The following ODAM variants were observed in gnomAD, a reference collection of about 807,000 sequenced individuals.
ODAM encodes the protein odontogenic, ameloblast associated, also known as odontogenic ameloblast-associated protein.
A neutral mutation model predicts 48.5 loss-of-function variants in ODAM; 55 were observed. The observed-to-expected ratio is 1.13, with a 90% CI of 0.91 to 1.42. The LOEUF (loss-of-function observed/expected upper bound fraction) is 1.42. Among genes scored for constraint, ODAM ranks in the 40% most tolerant of loss-of-function variants. The probability of loss-of-function intolerance (pLI) is 0.00; values close to 1 mark genes in which losing one functional copy is unlikely to be tolerated. For missense variants in ODAM, 353 were observed against 323.6 expected, an observed-to-expected ratio of 1.09 and a Z score of -0.70; for synonymous variants, 127 against 107.8, an observed-to-expected ratio of 1.18 and a Z score of -1.10.
intron 11 of ODAM, among the ~76,000 whole-genome samples, chr4:70,203,852 C>A (rs1367805967): frequency 2.6e-5 from 4 of 151,894 alleles, no homozygotes; most frequent in Non-Finnish European, 5.9e-5. Flanking sequence ...CTGTGAGCCT[C>A]TTTTGATCTC....
intron 11 of ODAM, 98 bp downstream of exon 11, chr4:70,203,312 C>A: frequency 1.5e-6 from 1 of 657,684 alleles, no homozygotes; most frequent in Non-Finnish European, 2.7e-6. Flanking sequence ...GAGTTCTTAC[C>A]AAAGTAGTTA....
intron 4 of ODAM, 47 bp from the exon 5 acceptor site, chr4:70,197,876 CT>C: frequency 6.7e-7 from 1 of 1,498,304 alleles, no homozygotes; most frequent in Non-Finnish European, 9.2e-7. Context: ...TTTTTAAATT[CT>C]TTTTGGCATG....
chr4:70,200,905 G>A (rs1354196320), intron 7 of ODAM, among the ~76,000 whole-genome samples: 2 of 151,866 alleles, frequency 1.3e-5, no homozygotes, highest in Non-Finnish European at 2.9e-5. Flanking sequence ...AAATTTACTA[G>A]CATCCACCTT....
chr4:70,202,728 A>C, intron 9 of ODAM, 28 bp from the exon 10 acceptor site: 1 of 1,579,604 alleles, frequency 6.3e-7, no homozygotes, highest in Non-Finnish European at 8.6e-7. Flanking sequence ...ACTTACGACA[A>C]CTTTGTTTTC....
In ODAM at chr4:70,198,157, C is replaced by T. The variant is rs139946153; in HGVS notation, c.375C>T (p.His125=). 38 of 1,611,670 alleles carry T rather than the reference C, an allele frequency of 2.4e-5. No homozygotes were observed. Among genetic ancestry groups the T allele is most frequent in the South Asian group, 6.6e-5 (6 of 90,918 alleles). Residue 125 remains histidine (H), a splice_region_variant and synonymous_variant, in exon 5 of 12, where the codon CAC becomes CAT. Coordinates refer to ENST00000683306, the MANE Select transcript of ODAM (RefSeq NM_017855.4). Reference sequence around the variant, plus strand: ...CTCAGACACAACCAGGCCCCAGTCACGTAAGTCAGGCCTCTTTCATTTTGT... The same window carrying T: ...CTCAGACACAACCAGGCCCCAGTCATGTAAGTCAGGCCTCTTTCATTTTGT... ...TPPQTQPGPS[H]VMPYVFSFKM... is the part of the protein sequence containing the mutation.
rs763560493 is a variant in ODAM, at chr4:70,203,201, A to G, written c.*16A>G. 4.4e-6 allele frequency: 7 copies of G among 1,590,066 alleles called. No individual in the cohort carries two copies. In the South Asian group the frequency reaches 7.8e-5, roughly 18 times the overall value. ...GGAACCATAAGAAGTTGCCCTGATC[A>G]TTCAGACATTTTGGTAGGTATTTGC... On this transcript the variant is annotated 3_prime_UTR_variant, in exon 11 of 12. Coordinates refer to ENST00000683306, the MANE Select transcript of ODAM (RefSeq NM_017855.4).
At position 70,195,765 on chromosome 4, in the gene ODAM, A is replaced by G. The variant is rs1461447512; in HGVS notation, c.-44A>G. On this transcript the variant is annotated 5_prime_UTR_variant, in exon 1 of 12. Transcript: ENST00000683306. Reference sequence around the variant, plus strand: ...AAAGAACACAGATCTCGCATGGTTCAGATTTTTCTTTTTAGGTCCAGGAGT... The same window carrying G: ...AAAGAACACAGATCTCGCATGGTTCGGATTTTTCTTTTTAGGTCCAGGAGT... 1 of 984,772 alleles carries G rather than the reference A, an allele frequency of 1.0e-6. No homozygotes were observed. The highest frequency in any genetic ancestry group is 1.7e-5 in the African/African-American group (1 of 57,326). The allele number at this position is 984,772 out of a possible 1,614,324, so 61.0% of individuals were successfully genotyped here. A position where few individuals can be genotyped will look rare whatever the true frequency, so the allele number is the denominator to read the frequency against.
intron 6 of ODAM, among the ~76,000 whole-genome samples, chr4:70,199,519 A>G (rs1729450775): frequency 6.6e-6 from 1 of 152,016 alleles, no homozygotes; most frequent in Non-Finnish European, 1.5e-5. Context: ...TCCTCATCCC[A>G]TTGAAAGTAA....
intron 7 of ODAM, 96 bp downstream of exon 7, chr4:70,200,697 A>C: frequency 1.4e-6 from 1 of 694,996 alleles, no homozygotes; most frequent in Non-Finnish European, 2.4e-6. Context: ...GAGTATATTT[A>C]ATGCAAACAC....
chr4:70,198,251 T>G, intron 5 of ODAM, 94 bp downstream of exon 5: 1 of 1,015,650 alleles, frequency 9.8e-7, no homozygotes, highest in Non-Finnish European at 1.4e-6. Flanking sequence ...AGGCAGGGGT[T>G]TTTGAACAAT....
intron 6 of ODAM, 34 bp from the exon 7 acceptor site, chr4:70,200,463 G>A (rs1729470642): frequency 8.5e-7 from 1 of 1,176,020 alleles, no homozygotes; most frequent in Admixed American, 2.0e-5. Flanking sequence ...CTGATTTAAT[G>A]GAATCTCTTG....
Position 70,202,808 on chromosome 4 carries a change from A to G in ODAM, c.701A>G (p.His234Arg), listed in dbSNP as rs1360070732. The change falls in exon 10 of 12, where the codon CAT becomes CGT. Residue 234 changes from histidine (H) to arginine (R), a missense_variant. Physicochemically the swap from His to Arg is conservative, Grantham distance 29 (BLOSUM62 0). Coordinates refer to ENST00000683306, the MANE Select transcript of ODAM (RefSeq NM_017855.4). The part of the protein sequence containing the change: ...YLQKEAINFR[H>R]DSAGVFMPST... ...CAAAAAGAAGCGATCAACTTTAGAC[A>G]TGACAGTGCAGGAGTTTTCATGCCC... 6.2e-7 allele frequency: 1 copy of G among 1,611,980 alleles called. No homozygotes were observed. Among genetic ancestry groups the G allele is most frequent in the Admixed American group, 1.7e-5 (1 of 59,728 alleles).
Position 70,198,036 on chromosome 4 carries a change from G to C in ODAM, c.254G>C (p.Gly85Ala), listed in dbSNP as rs376525673. 3 of 1,613,278 alleles carry C rather than the reference G, an allele frequency of 1.9e-6. No homozygotes were observed. Among genetic ancestry groups the C allele is most frequent in the Non-Finnish European group, 2.5e-6 (3 of 1,179,548 alleles). Residue 85 changes from glycine (G) to alanine (A), a missense_variant, in exon 5 of 12, where the codon GGA becomes GCA. Coordinates refer to ENST00000683306, the MANE Select transcript of ODAM (RefSeq NM_017855.4). ...TTATCAGCTCTAGACCAGTTTGCTG[G>C]ACTGCTCCCAAATCAGATACCCTTA... The part of the protein sequence containing the change: ...FSLSALDQFA[G>A]LLPNQIPLTG...
Position 70,202,303 on chromosome 4 carries a change from G to C in ODAM, c.622G>C (p.Gly208Arg), listed in dbSNP as rs568860382. 5.6e-6 allele frequency: 9 copies of C among 1,611,806 alleles called. No homozygotes were observed. The South Asian group carries it at 9.9e-5, about 18-fold the overall frequency. Residue 208 changes from glycine to arginine, a missense_variant, in exon 9 of 12, where the codon GGC becomes CGC. Transcript: ENST00000683306. Reference protein sequence around the residue: ...QQQLAFDPQLGTAPEIAVMST... With the variant: ...QQQLAFDPQLRTAPEIAVMST... Reference sequence around the variant, plus strand: ...GCAACTAGCTTTTGATCCCCAACTAGGCACAGCTCCTGAAATTGCTGTGAT... The same window carrying C: ...GCAACTAGCTTTTGATCCCCAACTACGCACAGCTCCTGAAATTGCTGTGAT...
rs532851425 is a variant in ODAM, at chr4:70,201,544, C to T, written c.576+43C>T. On this transcript the variant is annotated intron_variant, in intron 8 of 11. Coordinates refer to ENST00000683306, the MANE Select transcript of ODAM (RefSeq NM_017855.4). ...TTTCATTAAAAATATTTTGAAACTA[C>T]TTCCTTCATTGTCTACTAAATCTAT... The T allele has an allele frequency of 5.7e-6, 6 of 1,045,266 alleles. No homozygotes were observed. The South Asian group carries it at 8.0e-5, about 14-fold the overall frequency. The allele number at this position is 1,045,266 out of a possible 1,614,324, so 64.7% of individuals were successfully genotyped here. A position where few individuals can be genotyped will look rare whatever the true frequency, so the allele number is the denominator to read the frequency against.
chr4:70,196,752 A>C lies in ODAM; in HGVS notation c.93+19A>C, dbSNP rs761676461. 2 of 1,581,484 alleles carry C rather than the reference A, an allele frequency of 1.3e-6. No individual in the cohort carries two copies. Among genetic ancestry groups the C allele is most frequent in the South Asian group, 1.2e-5 (1 of 86,780 alleles). On this transcript the variant is annotated intron_variant, in intron 3 of 11. Coordinates refer to ENST00000683306, the MANE Select transcript of ODAM (RefSeq NM_017855.4). Reference sequence around the variant, plus strand: ...CAATGAGGTTAGTTTAAATAATTAAAACAATCTCCTCCTTTTTTTAATGGA... The same window carrying C: ...CAATGAGGTTAGTTTAAATAATTAACACAATCTCCTCCTTTTTTTAATGGA...
At position 70,197,998 on chromosome 4, in the gene ODAM, C is replaced by T; in HGVS notation, c.216C>T (p.Leu72=). ...AGCAGCAGGCTCAAATTCCAGGACT[C>T]TCCCAGTTCTCTTTATCAGCTCTAG... is the stretch of plus-strand genomic sequence containing the variant. ...QQQQQAQIPG[L]SQFSLSALDQ... The change falls in exon 5 of 12, where the codon CTC becomes CTT. Residue 72 remains leucine, a synonymous_variant. Coordinates refer to ENST00000683306, the MANE Select transcript of ODAM (RefSeq NM_017855.4). 1.2e-6 allele frequency: 2 copies of T among 1,613,416 alleles called. No homozygotes were observed. Among genetic ancestry groups the T allele is most frequent in the Non-Finnish European group, 1.7e-6 (2 of 1,179,576 alleles).
rs771238018 is a variant in ODAM, at chr4:70,196,825, C to T, written c.93+92C>T. 4.4e-4 allele frequency: 431 copies of T among 972,290 alleles called. 1 individual carries two copies. The highest frequency in any genetic ancestry group is 6.4e-4 in the Non-Finnish European group (410 of 640,096). The allele number at this position is 972,290 out of a possible 1,614,324, so 60.2% of individuals were successfully genotyped here. A position where few individuals can be genotyped will look rare whatever the true frequency, so the allele number is the denominator to read the frequency against. Reference sequence around the variant, plus strand: ...GTCGTCATTTAATTTATACTGTGTTCCTCACCACTAGCTTTTATGTATATC... The same window carrying T: ...GTCGTCATTTAATTTATACTGTGTTTCTCACCACTAGCTTTTATGTATATC... On this transcript the variant is annotated intron_variant, in intron 3 of 11. Transcript: ENST00000683306.
chr4:70,198,515 A>T (rs1729429137), intron 5 of ODAM, 64 bp from the exon 6 acceptor site: 4 of 1,256,280 alleles, frequency 3.2e-6, no homozygotes, highest in Middle Eastern at 3.8e-4. Context: ...TAGGAAAAGC[A>T]GCTCAGGGAT....
Sources: gnomAD v4.1 joint callset for allele counts (sites outside exome capture counted in the v4.1 genomes callset) on GRCh38, gnomAD v4.1.1 for gene constraint, MANE v1.5 for transcripts, NCBI Gene and HGNC (gene_info 2026-07-23, HGNC 2026-07-21) for gene names.